Variants in SRPK2 observed in about 807,000 individuals in gnomAD.
The protein encoded by SRPK2 is SRSF protein kinase 2.
Under a neutral mutation model 90.8 loss-of-function variants are expected in SRPK2, and 21 were observed. The observed-to-expected ratio is 0.23, with a 90% CI of 0.16 to 0.33. SRPK2 has a LOEUF of 0.33. Ranked by LOEUF, SRPK2 falls within the 10% of genes least tolerant of loss-of-function variation. The pLI, the probability that SRPK2 is intolerant of heterozygous loss-of-function variation, is 1.00. For missense variants in SRPK2, 620 were observed against 869.0 expected (o/e 0.71, Z 3.60); for synonymous variants, 288 against 311.1 (o/e 0.93, Z 0.78).
At chr7:105,294,440 G>A (rs1437095376) in intron 2 of SRPK2, among the ~76,000 whole-genome samples, 1 of 152,090 alleles carries the variant, frequency 6.6e-6, no homozygotes, top group Non-Finnish European at 1.5e-5. Context: ...TCCTTTAAAG[G>A]CTACCATCCC....
At chr7:105,192,533 A>G (rs1264616236) in intron 3 of SRPK2, among the ~76,000 whole-genome samples, 1 of 152,154 alleles carries the variant, frequency 6.6e-6, no homozygotes. Flanking sequence ...TTTTTTATAT[A>G]ACGACTTATT....
intron 7 of SRPK2, among the ~76,000 whole-genome samples, chr7:105,150,364 C>G (rs1183298702): frequency 6.6e-6 from 1 of 152,036 alleles, no homozygotes; most frequent in Non-Finnish European, 1.5e-5. Context: ...ACTAAAAACA[C>G]AAAAAAACTG....
At chr7:105,379,137 G>A (rs980398039) in intron 2 of SRPK2, among the ~76,000 whole-genome samples, 1 of 151,156 alleles carries the variant, frequency 6.6e-6, no homozygotes, top group Non-Finnish European at 1.5e-5. Context: ...AACAAAGCAA[G>A]ACCCAGTCTC....
At position 105,287,834 on chromosome 7, in the gene SRPK2, G is replaced by C. The variant is rs150467560; in HGVS notation, c.72-84049C>G. Among the ~76,000 whole-genome samples the C allele has an allele frequency of 3.8e-4, 58 of 152,252 alleles. 2 individuals are homozygous for C. In the East Asian group the frequency reaches 0.011, roughly 28 times the overall value. ...TAGGCAGGAAGATCTACCTTTATTT[G>C]CACTTTAATTTTTTACAGATATTAT... On this transcript the variant is annotated intron_variant, in intron 2 of 15. Coordinates refer to ENST00000393651, the MANE Select transcript of SRPK2 (RefSeq NM_182692.3).
intron 2 of SRPK2, among the ~76,000 whole-genome samples, chr7:105,226,107 A>C (rs891211952): frequency 6.6e-6 from 1 of 152,234 alleles, no homozygotes; most frequent in Non-Finnish European, 1.5e-5. Context: ...GAACCTAAAG[A>C]CTTCCAAAAT....
intron 2 of SRPK2, among the ~76,000 whole-genome samples, chr7:105,292,189 A>T (rs1046764870): frequency 3.3e-5 from 5 of 152,152 alleles, no homozygotes; most frequent in Non-Finnish European, 7.3e-5. Context: ...AGCCATCCTA[A>T]ATTGAACTAT....
At chr7:105,172,076 T>C (rs1457199754) in intron 3 of SRPK2, among the ~76,000 whole-genome samples, 1 of 152,072 alleles carries the variant, frequency 6.6e-6, no homozygotes, top group Non-Finnish European at 1.5e-5. Flanking sequence ...GCGTTTTTAG[T>C]AGAGACAGGG....
At chr7:105,228,995 T>C (rs990655751) in intron 2 of SRPK2, among the ~76,000 whole-genome samples, 4 of 152,288 alleles carry the variant, frequency 2.6e-5, no homozygotes, top group South Asian at 2.1e-4. Context: ...TGCTACTTTT[T>C]CACTGTGAAA....
chr7:105,169,309 AAGT>A (rs774436309), intron 3 of SRPK2, 44 bp from the exon 4 acceptor site: 1 of 1,425,612 alleles, frequency 7.0e-7, no homozygotes, highest in South Asian at 1.2e-5. Context: ...AATATTCGAA[AAGT>A]AGTAATAAAC....
At chr7:105,329,822 G>A (rs1003995011) in intron 2 of SRPK2, among the ~76,000 whole-genome samples, 2 of 151,878 alleles carry the variant, frequency 1.3e-5, no homozygotes, top group African/African-American at 4.8e-5. Context: ...TTGAGGCCAA[G>A]AGTTCGAGAC....
chr7:105,210,393 C>A (rs1796706886), intron 2 of SRPK2, among the ~76,000 whole-genome samples: 2 of 152,182 alleles, frequency 1.3e-5, no homozygotes, highest in Non-Finnish European at 2.9e-5. Context: ...CTCCCTCCTT[C>A]TTCCTCTCTT....
At chr7:105,224,921 G>A (rs1220659029) in intron 2 of SRPK2, among the ~76,000 whole-genome samples, 5 of 152,112 alleles carry the variant, frequency 3.3e-5, no homozygotes, top group Non-Finnish European at 7.4e-5. Flanking sequence ...AAACACACGA[G>A]CTAAAACATA....
chr7:105,289,100 CAAA>C (rs57131530), intron 2 of SRPK2, among the ~76,000 whole-genome samples: 9,517 of 86,542 alleles, frequency 0.11, 1,078 homozygotes, highest in African/African-American at 0.38. Context: ...ACTTAAAGCA[CAAA>C]AAAAAAAAAA....
chr7:105,134,181 T>C (rs1411857486), intron 11 of SRPK2, among the ~76,000 whole-genome samples: 1 of 152,178 alleles, frequency 6.6e-6, no homozygotes, highest in Admixed American at 6.5e-5. Flanking sequence ...CGGGTTTGTG[T>C]CCCTGCCCAT....
At chr7:105,244,020 G>C (rs938528165) in intron 2 of SRPK2, among the ~76,000 whole-genome samples, 4 of 152,136 alleles carry the variant, frequency 2.6e-5, no homozygotes. Context: ...CAAACATTGA[G>C]TGGGAACTTC....
intron 3 of SRPK2, among the ~76,000 whole-genome samples, chr7:105,186,996 T>G (rs1417261633): frequency 6.6e-6 from 1 of 152,226 alleles, no homozygotes; most frequent in East Asian, 1.9e-4. Context: ...CATCAAGCCC[T>G]TGAGATGTCT....
chr7:105,202,948 A>G (rs902479986), intron 3 of SRPK2, among the ~76,000 whole-genome samples: 1 of 152,194 alleles, frequency 6.6e-6, no homozygotes, highest in East Asian at 1.9e-4. Context: ...AGCCTGGTAC[A>G]CTTTCTCCTC....
chr7:105,287,282 A>G (rs1405238010), intron 2 of SRPK2, among the ~76,000 whole-genome samples: 9 of 53,898 alleles, frequency 1.7e-4, no homozygotes, highest in South Asian at 8.3e-4. Context: ...AAAAAAAAAA[A>G]AAGAAGAAAA....
intron 2 of SRPK2, among the ~76,000 whole-genome samples, chr7:105,300,180 G>A (rs1313548198): frequency 6.8e-6 from 1 of 146,470 alleles, no homozygotes; most frequent in Non-Finnish European, 1.5e-5. Flanking sequence ...TTCAACTCGG[G>A]AGGCAGAGGC....
Sources: gnomAD v4.1 joint callset for allele counts (sites outside exome capture counted in the v4.1 genomes callset) on GRCh38, gnomAD v4.1.1 for gene constraint, MANE v1.5 for transcripts, NCBI Gene and HGNC (gene_info 2026-07-23, HGNC 2026-07-21) for gene names.